SUPT5H: variants seen among roughly 807,000 people sequenced by gnomAD.
The protein encoded by SUPT5H is SPT5 homolog, DSIF elongation factor subunit.
Under a neutral mutation model 142.5 loss-of-function variants are expected in SUPT5H, and 24 were observed. That is an observed-to-expected ratio of 0.17 (90% CI 0.12 to 0.24). The LOEUF is 0.24. SUPT5H is among the 10% of genes least tolerant of loss of function. SUPT5H has a pLI of 1.00. For synonymous variants in SUPT5H, 546 were observed against 553.0 expected (o/e 0.99, Z 0.18); for missense variants, 893 against 1,471.8 (o/e 0.61, Z 6.43).
rs191050480 is a variant in SUPT5H, at chr19:39,455,383, G to A, written c.241+1862G>A. Among the ~76,000 whole-genome samples, 469 of 151,970 alleles carry A rather than the reference G, an allele frequency of 3.1e-3. 3 individuals are homozygous for A. Among genetic ancestry groups the A allele is most frequent in the Non-Finnish European group, 4.5e-3 (307 of 67,970 alleles). Reference sequence around the variant, plus strand: ...TCGAGACCAGCCTGGCCAAGATGGCGAAACCCTGTCTCTACTAAAAATACA... The same window carrying A: ...TCGAGACCAGCCTGGCCAAGATGGCAAAACCCTGTCTCTACTAAAAATACA... On this transcript the variant is annotated intron_variant, in intron 3 of 29. Transcript: ENST00000432763.
rs1409972648 is a variant in SUPT5H at position 39,445,839 on chromosome 19, G to A, written c.-52G>A. On this transcript the variant is annotated 5_prime_UTR_variant, in exon 2 of 30. Transcript: ENST00000432763. ...GGGAAACTGAGGCTCGGGGTGGAGCGCAGGATTGTGGGACGCGCCAAGGCT... is the reference window on the plus strand; with the variant it reads ...GGGAAACTGAGGCTCGGGGTGGAGCACAGGATTGTGGGACGCGCCAAGGCT... The A allele has an allele frequency of 1.9e-6, 3 of 1,596,036 alleles. No homozygotes were observed. The highest frequency in any genetic ancestry group is 3.5e-5 in the Admixed American group (2 of 57,832).
chr19:39,473,262 C>G lies in SUPT5H; in HGVS notation c.2318C>G (p.Ser773Cys). The change falls in exon 24 of 30, where the codon TCC becomes TGC. Residue 773 changes from serine (S) to cysteine (C), a missense_variant. By Grantham distance (112) the Ser-to-Cys change is moderately radical. Around this residue, in one of 6 missense-constraint regions of SUPT5H, gnomAD observed 336 missense variants for 546.5 expected, o/e 0.61. Transcript: ENST00000432763. The surrounding 1 kb of genome is among the most constrained non-coding windows in gnomAD (Gnocchi z 5.8). Reference protein sequence around the residue: ...STYGRTPMYGSQTPMYGSGSR... With the variant: ...STYGRTPMYGCQTPMYGSGSR... ...TATGGGAGGACGCCCATGTATGGCT[C>G]CCAGACGCCCATGTATGGCTCTGGC... 6.2e-7 allele frequency: 1 copy of G among 1,613,728 alleles called. No individual in the cohort carries two copies. Among genetic ancestry groups the G allele is most frequent in the Non-Finnish European group, 8.5e-7 (1 of 1,179,938 alleles).
chr19:39,462,522 G>T (rs2079176010), intron 10 of SUPT5H, among the ~76,000 whole-genome samples: 1 of 149,264 alleles, frequency 6.7e-6, no homozygotes, highest in African/African-American at 2.5e-5. Context: ...CATATATCAA[G>T]ACTTCATTTT....
intron 9 of SUPT5H, 29 bp from the exon 10 acceptor site, chr19:39,459,861 ATC>A (rs1280539337): frequency 5.0e-6 from 8 of 1,611,602 alleles, no homozygotes; most frequent in Non-Finnish European, 6.8e-6. Context: ...CCATCCTGTC[ATC>A]TCTCTCAAAT....
chr19:39,453,079 A>G (rs1042399442), intron 2 of SUPT5H, among the ~76,000 whole-genome samples: 3 of 151,730 alleles, frequency 2.0e-5, no homozygotes, highest in South Asian at 4.2e-4. Context: ...AAGCTATTAT[A>G]GTTAAAGACT....
intron 13 of SUPT5H, chr19:39,467,974 G>C (rs887345816): frequency 4.6e-5 from 7 of 152,234 alleles, no homozygotes; most frequent in Admixed American, 3.3e-4. Flanking sequence ...CAAGCCAGCT[G>C]ACCAAGTACC....
At position 39,445,864 on chromosome 19, in the gene SUPT5H, T is replaced by A. The variant is rs147429173; in HGVS notation, c.-27T>A. On this transcript the variant is annotated 5_prime_UTR_variant, in exon 2 of 30. Coordinates refer to ENST00000432763, the MANE Select transcript of SUPT5H (RefSeq NM_001111020.3). ...GCAGGATTGTGGGACGCGCCAAGGCTGCTGTCTTTCCCAGCAGCAGCGGAA... is the reference window on the plus strand; with the variant it reads ...GCAGGATTGTGGGACGCGCCAAGGCAGCTGTCTTTCCCAGCAGCAGCGGAA... 4 of 1,612,020 alleles carry A rather than the reference T, an allele frequency of 2.5e-6. No homozygotes were observed. Among genetic ancestry groups the A allele is most frequent in the Non-Finnish European group, 2.5e-6 (3 of 1,179,476 alleles).
At chr19:39,447,663 C>T (rs1329085396) in intron 2 of SUPT5H, among the ~76,000 whole-genome samples, 1 of 152,104 alleles carries the variant, frequency 6.6e-6, no homozygotes, top group Non-Finnish European at 1.5e-5. Context: ...AGGTGATCCA[C>T]CCTCCTTGGC....
At position 39,468,816 on chromosome 19, in the gene SUPT5H, C is replaced by A; in HGVS notation, c.1098C>A (p.Tyr366Ter). The stretch of plus-strand genomic sequence containing the variant: ...TCCTCATCTTTGAGGGGAACCGTTA[C>A]AGCCGGAAGGGCTTTCTGTTCAAGA... ...GDFLIFEGNRYSRKGFLFKSF... is the reference protein window; with the variant it reads ...GDFLIFEGNR Residue 366 changes from tyrosine to a stop codon, truncating the protein, a stop_gained, in exon 14 of 30, where the codon TAC (tyrosine) becomes TAA (stop). Transcript: ENST00000432763. LOFTEE classifies it high-confidence loss of function. 1 of 1,614,176 alleles carries A rather than the reference C, an allele frequency of 6.2e-7. No homozygotes were observed. The highest frequency in any genetic ancestry group is 8.5e-7 in the Non-Finnish European group (1 of 1,180,038).
At chr19:39,448,765 C>G (rs1261531579) in intron 2 of SUPT5H, among the ~76,000 whole-genome samples, 1 of 152,012 alleles carries the variant, frequency 6.6e-6, no homozygotes, top group African/African-American at 2.4e-5. Flanking sequence ...GCTGGTTCAC[C>G]CATCATGGCT....
In SUPT5H at chr19:39,474,278, A is replaced by G; in HGVS notation, c.2696A>G (p.Gln899Arg). 2 of 1,613,464 alleles carry G rather than the reference A, an allele frequency of 1.2e-6. No homozygotes were observed. The highest frequency in any genetic ancestry group is 1.7e-6 in the Non-Finnish European group (2 of 1,179,820). ...TCTCCCTATGCTGCCCCCTCCCCACAAGGTTCCTACCAGCCCAGCCCCAGC... is the reference window on the plus strand; with the variant it reads ...TCTCCCTATGCTGCCCCCTCCCCACGAGGTTCCTACCAGCCCAGCCCCAGC... The part of the protein sequence containing the change: ...QFSPYAAPSP[Q>R]GSYQPSPSPQ... The change falls in exon 27 of 30, where the codon CAA becomes CGA. Residue 899 changes from glutamine (Q) to arginine (R), a missense_variant. Physicochemically the swap from Gln to Arg is conservative, Grantham distance 43. Around this residue, in one of 6 missense-constraint regions of SUPT5H, gnomAD observed 336 missense variants for 546.5 expected, o/e 0.61. Transcript: ENST00000432763. The surrounding 1 kb of genome is among the most constrained non-coding windows in gnomAD (Gnocchi z 6.5).
chr19:39,472,574 G>A lies in SUPT5H; in HGVS notation c.2035+81G>A. On this transcript the variant is annotated intron_variant, in intron 21 of 29. Coordinates refer to ENST00000432763, the MANE Select transcript of SUPT5H (RefSeq NM_001111020.3). The surrounding 1 kb of genome is among the most constrained non-coding windows in gnomAD (Gnocchi z 4.2). ...TGGTTGTTCAGCCTACACTCACTGA[G>A]TGCCTGTGCTGGGCTGGGCACTGCT... The A allele has an allele frequency of 1.3e-6, 2 of 1,523,658 alleles. No individual in the cohort carries two copies. Among genetic ancestry groups the A allele is most frequent in the South Asian group, 1.1e-5 (1 of 88,036 alleles). The allele number at this position is 1,523,658 out of a possible 1,614,324, so 94.4% of individuals were successfully genotyped here. A position where few individuals can be genotyped will look rare whatever the true frequency, so the allele number is the denominator to read the frequency against.
intron 3 of SUPT5H, among the ~76,000 whole-genome samples, chr19:39,454,707 G>A (rs139812050): frequency 1.3e-5 from 2 of 152,222 alleles, no homozygotes; most frequent in East Asian, 3.9e-4. Context: ...GATAAGACTA[G>A]TTCATACTTC....
chr19:39,446,114 C>A, intron 2 of SUPT5H, 149 bp downstream of exon 2: 1 of 893,656 alleles, frequency 1.1e-6, no homozygotes, highest in Admixed American at 2.3e-5. Context: ...TTAGGCAAGT[C>A]GAAGTCAAGC....
rs2079236381 is a variant in SUPT5H, at chr19:39,466,399, C to G, written c.877-81C>G. ...CCACCATCCTGCGTCCCTTCTCCTT[C>G]CTAGCATCTCCTGACCCTTCTTGTG... is the stretch of plus-strand genomic sequence containing the variant. On this transcript the variant is annotated intron_variant, in intron 11 of 29. Transcript: ENST00000432763. This position sits in a 1 kb window ranked among gnomAD's most constrained non-coding sequence, Gnocchi z 4.3. 1 of 1,348,664 alleles carries G rather than the reference C, an allele frequency of 7.4e-7. No individual in the cohort carries two copies. Among genetic ancestry groups the G allele is most frequent in the Admixed American group, 1.7e-5 (1 of 58,294 alleles). 83.5% of individuals were successfully genotyped at this position (1,348,664 alleles called of 1,614,324 possible). A position where few individuals can be genotyped will look rare whatever the true frequency, so the allele number is the denominator to read the frequency against.
intron 11 of SUPT5H, 22 bp downstream of exon 11, chr19:39,465,071 G>A (rs2079217089): frequency 6.2e-7 from 1 of 1,602,964 alleles, no homozygotes; most frequent in South Asian, 1.1e-5. Flanking sequence ...GGGGTGGCAT[G>A]GGGGTCAGGG....
chr19:39,451,334 G>GT (rs2079019707), intron 2 of SUPT5H, among the ~76,000 whole-genome samples: 1 of 151,200 alleles, frequency 6.6e-6, no homozygotes, highest in Non-Finnish European at 1.5e-5. Flanking sequence ...GACTACAGGC[G>GT]TGCCACCATG....
intron 2 of SUPT5H, among the ~76,000 whole-genome samples, chr19:39,452,502 AGC>A (rs2079033495): frequency 6.6e-6 from 1 of 152,172 alleles, no homozygotes; most frequent in Non-Finnish European, 1.5e-5. Context: ...ATACGGCAGA[AGC>A]CAAGAGAGGA....
In SUPT5H at chr19:39,474,678, CACAGGTGGTGGG is replaced by C. The variant is rs1467697248; in HGVS notation, c.2989_3000del (p.Val997_Gln1000del). 1 of 1,613,794 alleles carries C rather than the reference CACAGGTGGTGGG, an allele frequency of 6.2e-7. No individual in the cohort carries two copies. The stretch of plus-strand genomic sequence containing the variant: ...AAGGTGCGGGACACCTACCTGGATA[CACAGGTGGTGGG>C]ACAGACAGGTGTCATCCGCAGTGTC... On this transcript the variant is annotated inframe_deletion, in exon 28 of 30. Coordinates refer to ENST00000432763, the MANE Select transcript of SUPT5H (RefSeq NM_001111020.3). This position sits in a 1 kb window ranked among gnomAD's most constrained non-coding sequence, Gnocchi z 6.5.
Sources: gnomAD v4.1 joint callset for allele counts (sites outside exome capture counted in the v4.1 genomes callset) on GRCh38, gnomAD v4.1.1 for gene constraint, gnomAD v4.1.1 regional missense constraint, Gnocchi (gnomAD v3.1) non-coding constraint, MANE v1.5 for transcripts, NCBI Gene and HGNC (gene_info 2026-07-23, HGNC 2026-07-21) for gene names.